Variants in SACS observed in about 807,000 individuals in gnomAD.
SACS encodes the protein sacsin.
In SACS, 197 loss-of-function variants were observed where a neutral mutation model predicts 348.0. That is an observed-to-expected ratio of 0.57 (90% CI 0.50 to 0.64). SACS has a LOEUF of 0.64. Among genes scored for constraint, SACS ranks in the 30% least tolerant of loss-of-function variants. The probability of loss-of-function intolerance (pLI) is 0.00; values close to 1 mark genes in which losing one functional copy is unlikely to be tolerated. For synonymous variants in SACS, 1,985 were observed against 1,910.6 expected, an observed-to-expected ratio of 1.04 and a Z score of -1.02; for missense variants, 4,999 against 5,360.8, an observed-to-expected ratio of 0.93 and a Z score of 2.11.
Position 23,339,225 on chromosome 13 carries a change from C to T in SACS, c.4651G>A (p.Asp1551Asn). 6.2e-7 allele frequency: 1 copy of T among 1,610,342 alleles called. No homozygotes were observed. The highest frequency in any genetic ancestry group is 8.5e-7 in the Non-Finnish European group (1 of 1,178,426). The change falls in exon 10 of 10, where the codon GAC becomes AAC. Residue 1551 changes from aspartate (D) to asparagine (N), a missense_variant. Around this residue, in one of 6 missense-constraint regions of SACS, gnomAD observed 3,156 missense variants for 3,380.1 expected, o/e 0.93. Transcript: ENST00000382292. ...LGESLKRGEV[D>N]KVGKFGLGFN... ...CCAAGACCAAATTTTCCAACTTTGT[C>T]AACTTCTCCCCTTTTTAAAGATTCT...
At chr13:23,382,065 C>A (rs1303373999) in intron 2 of SACS, among the ~76,000 whole-genome samples, 2 of 152,234 alleles carry the variant, frequency 1.3e-5, no homozygotes, top group East Asian at 3.8e-4. Flanking sequence ...TTCTGTAGAA[C>A]AATTATAGTA....
intron 1 of SACS, among the ~76,000 whole-genome samples, chr13:23,424,535 A>G (rs1874089033): frequency 6.6e-6 from 1 of 150,792 alleles, no homozygotes; most frequent in African/African-American, 2.4e-5. Context: ...CAAAAAAAAA[A>G]AAAAGGAAAT....
chr13:23,341,734 C>T (rs1326114566), intron 9 of SACS, 44 bp from the exon 10 acceptor site: 1 of 1,349,888 alleles, frequency 7.4e-7, no homozygotes, highest in Non-Finnish European at 1.0e-6. Context: ...TATAATTCTA[C>T]TACAACAGCT....
intron 5 of SACS, among the ~76,000 whole-genome samples, chr13:23,367,513 T>A (rs1871130647): frequency 6.6e-6 from 1 of 152,244 alleles, no homozygotes; most frequent in African/African-American, 2.4e-5. Context: ...AGTTTCTTAT[T>A]AAACACAAAA....
At chr13:23,379,362 C>A (rs138587502) in intron 2 of SACS, among the ~76,000 whole-genome samples, 1 of 152,186 alleles carries the variant, frequency 6.6e-6, no homozygotes, top group Non-Finnish European at 1.5e-5. Flanking sequence ...TGCCTGTGCT[C>A]GGGGACTGCT....
intron 1 of SACS, among the ~76,000 whole-genome samples, chr13:23,426,094 T>C (rs920837357): frequency 2.6e-5 from 4 of 152,202 alleles, no homozygotes; most frequent in Non-Finnish European, 5.9e-5. Flanking sequence ...CAACAGCCCA[T>C]ACTTCGTTTA....
rs1872639332 is a variant in SACS at position 23,394,475 on chromosome 13, C to CTTTT, written c.20+16744_20+16745insAAAA. ...TCACCCCCATTGTGTAGCAATAGCC[C>CTTTT]TAAAAAGTCTTCCTCACCATTTAAA... On this transcript the variant is annotated intron_variant, in intron 2 of 9. Coordinates refer to ENST00000382292, the MANE Select transcript of SACS (RefSeq NM_014363.6). 2.6e-5 allele frequency among the ~76,000 whole-genome samples: 4 copies of CTTTT among 152,306 alleles called. No homozygotes were observed. In the South Asian group the frequency reaches 8.3e-4, roughly 32 times the overall value.
chr13:23,377,950 T>C (rs1335838210), intron 2 of SACS, among the ~76,000 whole-genome samples: 1 of 152,228 alleles, frequency 6.6e-6, no homozygotes, highest in African/African-American at 2.4e-5. Flanking sequence ...TCAATTACCA[T>C]GTGCCAGAAA....
At chr13:23,398,212 A>G (rs1206027153) in intron 2 of SACS, among the ~76,000 whole-genome samples, 1 of 150,848 alleles carries the variant, frequency 6.6e-6, no homozygotes, top group Non-Finnish European at 1.5e-5. Flanking sequence ...ATAAAATTAA[A>G]TTAAATTTTA....
chr13:23,337,930 T>C lies in SACS; in HGVS notation c.5946A>G (p.Gly1982=), dbSNP rs746358078. Residue 1982 remains glycine, a synonymous_variant, in exon 10 of 10, where the codon GGA becomes GGG. Transcript: ENST00000382292. The part of the protein sequence containing the change: ...GKELTKVFSD[G]STWVSMKNVR... ...CGTTCTTCATGGAAACCCAAGTAGA[T>C]CCATCAGAGAAGACTTTGGTCAGTT... The C allele has an allele frequency of 3.7e-6, 6 of 1,613,838 alleles. No individual in the cohort carries two copies. The African/African-American group carries it at 6.7e-5, about 18-fold the overall frequency.
intron 9 of SACS, among the ~76,000 whole-genome samples, chr13:23,353,289 C>CA (rs1350297282): frequency 6.6e-6 from 1 of 152,148 alleles, no homozygotes; most frequent in Non-Finnish European, 1.5e-5. Flanking sequence ...AAGCCTAATG[C>CA]AAACCCAGCA....
chr13:23,370,844 T>C (rs1871342746), intron 4 of SACS, among the ~76,000 whole-genome samples: 2 of 152,176 alleles, frequency 1.3e-5, no homozygotes, highest in Non-Finnish European at 2.9e-5. Context: ...GCACCTGTTT[T>C]CCCAGCTACT....
intron 1 of SACS, among the ~76,000 whole-genome samples, chr13:23,425,063 C>T (rs1268908165): frequency 2.0e-5 from 3 of 152,312 alleles, no homozygotes; most frequent in African/African-American, 7.2e-5. Context: ...CACCTCAAGT[C>T]GAGTGTCTAC....
chr13:23,405,093 T>C (rs1488892778), intron 2 of SACS, among the ~76,000 whole-genome samples: 1 of 152,112 alleles, frequency 6.6e-6, no homozygotes, highest in Non-Finnish European at 1.5e-5. Context: ...AAAGAGCCCG[T>C]ATAAGCCAAG....
chr13:23,357,218 G>A (rs2137736385), intron 7 of SACS, among the ~76,000 whole-genome samples: 1 of 152,296 alleles, frequency 6.6e-6, no homozygotes, highest in Admixed American at 6.5e-5. Flanking sequence ...CCAGGCTTTT[G>A]CTACTCACAT....
At position 23,337,502 on chromosome 13, in the gene SACS, T is replaced by A; in HGVS notation, c.6374A>T (p.Asp2125Val). ...HPEGRVAKLF[D>V]IKDGRFPYGS... ...ATAAGGGAATCTCCCATCTTTAATA[T>A]CAAATAACTTTGCAACTCGTCCTTC... The change falls in exon 10 of 10, where the codon GAT becomes GTT. Residue 2125 changes from aspartate to valine, a missense_variant. By Grantham distance (152) the Asp-to-Val change is radical (BLOSUM62 -3). This residue lies in a region of SACS where 3,156 missense variants were observed against 3,380.1 expected (regional missense o/e 0.93). Coordinates refer to ENST00000382292, the MANE Select transcript of SACS (RefSeq NM_014363.6). The A allele has an allele frequency of 6.2e-7, 1 of 1,613,918 alleles. No individual in the cohort carries two copies.
At chr13:23,405,770 G>T (rs1873177731) in intron 2 of SACS, among the ~76,000 whole-genome samples, 1 of 151,868 alleles carries the variant, frequency 6.6e-6, no homozygotes, top group African/African-American at 2.4e-5. Context: ...TATTTATGTG[G>T]CCAACAAACA....
In SACS at chr13:23,421,328, A is replaced by G. The variant is rs574788869; in HGVS notation, c.-501-9588T>C. 1.8e-4 allele frequency among the ~76,000 whole-genome samples: 28 copies of G among 151,928 alleles called. No homozygotes were observed. In the East Asian group the frequency reaches 4.5e-3, roughly 24 times the overall value. On this transcript the variant is annotated intron_variant, in intron 1 of 9. Transcript: ENST00000382292. ...TCTAGGTATACCCCTGGGGCTTGAT[A>G]TTCACCAGGGGTTTAGGCATTTACT...
intron 6 of SACS, among the ~76,000 whole-genome samples, chr13:23,361,552 A>G (rs1328603678): frequency 6.6e-6 from 1 of 152,078 alleles, no homozygotes; most frequent in African/African-American, 2.4e-5. Context: ...CGAGGTGGGA[A>G]GATTACCTGA....
Sources: gnomAD v4.1 joint callset for allele counts (sites outside exome capture counted in the v4.1 genomes callset) on GRCh38, gnomAD v4.1.1 for gene constraint, gnomAD v4.1.1 regional missense constraint, MANE v1.5 for transcripts, NCBI Gene and HGNC (gene_info 2026-07-23, HGNC 2026-07-21) for gene names.